C19orf38: variants seen among roughly 807,000 people sequenced by gnomAD.
The protein encoded by C19orf38 is chromosome 19 open reading frame 38, also known as protein HIDE1.
Under a neutral mutation model 26.6 loss-of-function variants are expected in C19orf38, and 14 were observed. The ratio of observed to expected loss-of-function variants is 0.53; its 90% confidence interval spans 0.35 to 0.82. The LOEUF is 0.82. Ranked by LOEUF, C19orf38 falls within the 40% of genes least tolerant of loss-of-function variation. C19orf38 has a pLI of 0.01. For synonymous variants in C19orf38, 132 were observed against 128.5 expected (o/e 1.03, Z -0.18); for missense variants, 261 against 299.5 (o/e 0.87, Z 0.95).
At chr19:10,858,274 A>C (rs1568336989) in intron 3 of C19orf38, 42 bp from the exon 4 acceptor site, 2 of 1,342,056 alleles carry the variant, frequency 1.5e-6, no homozygotes, top group Non-Finnish European at 2.0e-6. Flanking sequence ...GGATACAATT[A>C]GGACCAAAAT....
intron 6 of C19orf38, among the ~76,000 whole-genome samples, 188 bp downstream of exon 6, chr19:10,863,395 A>G (rs1391018941): frequency 6.6e-6 from 1 of 152,060 alleles, no homozygotes; most frequent in Non-Finnish European, 1.5e-5. Context: ...AAAAAATCCC[A>G]GGGGGTGTGT....
intron 1 of C19orf38, among the ~76,000 whole-genome samples, chr19:10,849,453 G>A (rs541794091): frequency 6.6e-6 from 1 of 152,296 alleles, no homozygotes; most frequent in East Asian, 1.9e-4. Context: ...CAGCTCGTGG[G>A]AGGCCAAGGT....
intron 3 of C19orf38, among the ~76,000 whole-genome samples, chr19:10,857,310 A>G (rs1474086718): frequency 1.5e-5 from 2 of 133,566 alleles, no homozygotes; most frequent in African/African-American, 5.8e-5. Flanking sequence ...ATATGTGTGT[A>G]TATATATACA....
intron 1 of C19orf38, among the ~76,000 whole-genome samples, chr19:10,837,394 A>G (rs2073440998): frequency 6.7e-6 from 1 of 148,720 alleles, no homozygotes; most frequent in Admixed American, 6.7e-5. Context: ...ATTCCTTTTC[A>G]CTCCAACTTT....
chr19:10,844,549 TA>T (rs1022281689), upstream of C19orf38, among the ~76,000 whole-genome samples: 145 of 133,250 alleles, frequency 1.1e-3, no homozygotes, highest in Middle Eastern at 4.3e-3. Context: ...TGTCTCTGTT[TA>T]AAAAAAAAAA....
upstream of C19orf38, among the ~76,000 whole-genome samples, chr19:10,847,983 G>A (rs1366907694): frequency 1.3e-5 from 2 of 151,996 alleles, no homozygotes; most frequent in African/African-American, 4.8e-5. Flanking sequence ...ATGAGGTCAA[G>A]AGATCGAGAC....
chr19:10,838,219 G>A (rs2073451755), intron 1 of C19orf38, among the ~76,000 whole-genome samples: 1 of 152,082 alleles, frequency 6.6e-6, no homozygotes, highest in Non-Finnish European at 1.5e-5. Flanking sequence ...GACTATCCTG[G>A]CTAACACAGT....
upstream of C19orf38, among the ~76,000 whole-genome samples, chr19:10,843,496 G>C (rs1253598555): frequency 1.3e-5 from 2 of 152,226 alleles, no homozygotes; most frequent in African/African-American, 4.8e-5. Flanking sequence ...GACTCTCCTT[G>C]TCTTCTTGTC....
At position 10,837,832 on chromosome 19, in the gene C19orf38, C is replaced by T. The variant is rs530909544; in HGVS notation, c.-69+1062C>T. ...GGATTTTTTTTAGGACAGGGTCTTG[C>T]TCTGTTGCCCAGGCTGGGGTGCAGT... On this transcript the variant is annotated intron_variant, in intron 1 of 7. Coordinates refer to the C19orf38 transcript ENST00000592854. Among the ~76,000 whole-genome samples, 118 of 152,146 alleles carry T rather than the reference C, an allele frequency of 7.8e-4. No homozygotes were observed. In the Middle Eastern group the frequency reaches 0.014, roughly 18 times the overall value.
intron 3 of C19orf38, among the ~76,000 whole-genome samples, chr19:10,858,050 C>T (rs904839478): frequency 4.6e-4 from 70 of 151,402 alleles, no homozygotes; most frequent in East Asian, 5.8e-4. Flanking sequence ...GCCAACATGA[C>T]GAACCCTCTT....
At chr19:10,838,649 G>C (rs922180277) in intron 1 of C19orf38, among the ~76,000 whole-genome samples, 6 of 152,106 alleles carry the variant, frequency 3.9e-5, no homozygotes, top group African/African-American at 1.4e-4. Flanking sequence ...GGTTGAGAAC[G>C]AACGTTTAAT....
rs988511453 is a variant in C19orf38, at chr19:10,869,589, G to A, written c.*222G>A. ...ACAGGAAGTTCCCCTCTCGACCTTC[G>A]GCTCCTCAGGACCACCAGAGAAGGA... is the stretch of plus-strand genomic sequence containing the variant. On this transcript the variant is annotated 3_prime_UTR_variant, in exon 7 of 7. Coordinates refer to ENST00000397820, the MANE Select transcript of C19orf38 (RefSeq NM_001136482.3). 2.2e-5 allele frequency: 13 copies of A among 593,658 alleles called. No homozygotes were observed. The highest frequency in any genetic ancestry group is 3.6e-5 in the Non-Finnish European group (13 of 363,336). The allele number at this position is 593,658 out of a possible 1,614,324, so 36.8% of individuals were successfully genotyped here.
intron 1 of C19orf38, among the ~76,000 whole-genome samples, chr19:10,839,829 T>C (rs1002987255): frequency 5.9e-5 from 9 of 151,502 alleles, no homozygotes; most frequent in African/African-American, 2.2e-4. Context: ...CCCGAACTCA[T>C]GTGATCCACC....
intron 5 of C19orf38, 121 bp from the exon 6 acceptor site, chr19:10,863,049 G>A (rs1261536932): frequency 1.0e-5 from 10 of 989,404 alleles, no homozygotes; most frequent in Non-Finnish European, 1.6e-5. Flanking sequence ...CGCCATAGAG[G>A]ATGCTGGGAG....
intron 1 of C19orf38, among the ~76,000 whole-genome samples, chr19:10,841,399 C>T (rs538005306): frequency 1.3e-5 from 2 of 152,276 alleles, no homozygotes; most frequent in South Asian, 4.1e-4. Context: ...GGGAGGCTCG[C>T]TTGAGCCCAG....
At chr19:10,851,809 A>C (rs1162791515) in intron 2 of C19orf38, among the ~76,000 whole-genome samples, 1 of 151,894 alleles carries the variant, frequency 6.6e-6, no homozygotes, top group Admixed American at 6.6e-5. Context: ...TCTACTAAAA[A>C]TACAAAAAAT....
In C19orf38 at chr19:10,869,519, G is replaced by A. The variant is rs896645700; in HGVS notation, c.*152G>A. ...TGGCCTTGGGATTTTCATCACAGAG[G>A]AGTGGGAGAGGGGACACAGGCATGG... On this transcript the variant is annotated 3_prime_UTR_variant, in exon 7 of 7. Coordinates refer to ENST00000397820, the MANE Select transcript of C19orf38 (RefSeq NM_001136482.3). 2.5e-5 allele frequency: 28 copies of A among 1,135,084 alleles called. No homozygotes were observed. Among genetic ancestry groups the A allele is most frequent in the African/African-American group, 4.7e-5 (3 of 63,490 alleles). 70.3% of individuals were successfully genotyped at this position (1,135,084 alleles called of 1,614,324 possible).
chr19:10,850,302 G>A lies in C19orf38; in HGVS notation c.75G>A (p.Pro25=), dbSNP rs371933061. Residue 25 remains proline, a synonymous_variant, in exon 2 of 7, where the codon CCG becomes CCA. Coordinates refer to ENST00000397820, the MANE Select transcript of C19orf38 (RefSeq NM_001136482.3). ...CACCATCCATCCGGCTGGTGCCCCC[G>A]TACCCAAGCAGCCAAGAGGACCCCA... ...IPAPSIRLVP[P]YPSSQEDPIH... The A allele has an allele frequency of 2.0e-4, 313 of 1,550,742 alleles. 1 individual carries two copies. Among genetic ancestry groups the A allele is most frequent in the Admixed American group, 4.9e-4 (25 of 50,916 alleles).
chr19:10,836,965 AACG>A (rs2073436795), intron 1 of C19orf38, among the ~76,000 whole-genome samples: 1 of 152,096 alleles, frequency 6.6e-6, no homozygotes, highest in Admixed American at 6.5e-5. Flanking sequence ...GGGTCAGAAA[AACG>A]ACAGCCCAGG....
Sources: gnomAD v4.1 joint callset for allele counts (sites outside exome capture counted in the v4.1 genomes callset) on GRCh38, gnomAD v4.1.1 for gene constraint, MANE v1.5 for transcripts, NCBI Gene and HGNC (gene_info 2026-07-23, HGNC 2026-07-21) for gene names.